GPR26: variants seen among roughly 807,000 people sequenced by gnomAD.
GPR26 encodes G protein-coupled receptor 26.
A neutral mutation model predicts 23.1 loss-of-function variants in GPR26; 15 were observed. The ratio of observed to expected loss-of-function variants is 0.65; its 90% CI spans 0.43 to 1.00. The LOEUF is 1.00. Among genes scored for constraint, GPR26 ranks in the 50% least tolerant of loss-of-function variants. The pLI, the probability that GPR26 is intolerant of heterozygous loss-of-function variation, is 0.00. For missense variants in GPR26, 359 were observed against 470.5 expected (o/e 0.76, Z 2.19); for synonymous variants, 228 against 222.1 (o/e 1.03, Z -0.24).
At position 123,693,503 on chromosome 10, in the gene GPR26, G is replaced by A. The variant is rs1031453738; in HGVS notation, c.*5343G>A. Reference sequence around the variant, plus strand: ...AGGCTGGGTGGAGCTTGGCCTCTACGGTCTGTTCTTGCAGATTCAGGAGAG... The same window carrying A: ...AGGCTGGGTGGAGCTTGGCCTCTACAGTCTGTTCTTGCAGATTCAGGAGAG... On this transcript the variant is annotated 3_prime_UTR_variant, in exon 3 of 3. Coordinates refer to ENST00000284674, the MANE Select transcript of GPR26 (RefSeq NM_153442.4). 8 of 152,418 alleles carry A rather than the reference G, an allele frequency of 5.2e-5. No individual in the cohort carries two copies. Among genetic ancestry groups the A allele is most frequent in the Non-Finnish European group, 7.3e-5 (5 of 68,278 alleles). 9.4% of individuals were successfully genotyped at this position (152,418 alleles called of 1,614,324 possible).
intron 2 of GPR26, among the ~76,000 whole-genome samples, chr10:123,675,137 C>T (rs1443573470): frequency 6.6e-6 from 1 of 152,132 alleles, no homozygotes; most frequent in East Asian, 1.9e-4. Flanking sequence ...ACTCAGAACC[C>T]AAAGGGTGTG....
intron 1 of GPR26, among the ~76,000 whole-genome samples, chr10:123,672,464 A>T (rs1192759801): frequency 1.3e-5 from 2 of 152,226 alleles, no homozygotes; most frequent in East Asian, 3.9e-4. Context: ...TTAGGAAATC[A>T]TGTCCACCAG....
intron 1 of GPR26, among the ~76,000 whole-genome samples, chr10:123,670,968 G>A (rs1845243319): frequency 2.0e-5 from 3 of 152,158 alleles, no homozygotes; most frequent in African/African-American, 4.8e-5. Context: ...TAATGTGCAG[G>A]GCCCAGGGCA....
intron 2 of GPR26, among the ~76,000 whole-genome samples, chr10:123,679,445 A>G (rs1845344628): frequency 6.6e-6 from 1 of 152,174 alleles, no homozygotes; most frequent in Non-Finnish European, 1.5e-5. Flanking sequence ...TTTACATCCA[A>G]ATCCATATCT....
At chr10:123,677,182 T>TA (rs148723228) in intron 2 of GPR26, among the ~76,000 whole-genome samples, 51,287 of 151,096 alleles carry the variant, frequency 0.34, 8,774 homozygotes, top group Non-Finnish European at 0.36. Flanking sequence ...CATTTTCCTT[T>TA]TAAAAAAAAA....
chr10:123,669,674 T>G (rs1345354249), intron 1 of GPR26, among the ~76,000 whole-genome samples: 1 of 152,168 alleles, frequency 6.6e-6, no homozygotes, highest in Non-Finnish European at 1.5e-5. Flanking sequence ...GTGGCATTTG[T>G]CTTTGTCAGG....
At position 123,694,924 on chromosome 10, in the gene GPR26, G is replaced by A. The variant is rs185943462; in HGVS notation, c.*6764G>A. Among the ~76,000 whole-genome samples, 183 of 152,254 alleles carry A rather than the reference G, an allele frequency of 1.2e-3. No individual in the cohort carries two copies. Among genetic ancestry groups the A allele is most frequent in the African/African-American group, 3.7e-3 (154 of 41,550 alleles). On this transcript the variant is annotated 3_prime_UTR_variant, in exon 3 of 3. Coordinates refer to ENST00000284674, the MANE Select transcript of GPR26 (RefSeq NM_153442.4). ...CCCATCTTCTGACAATATCCTGAAG[G>A]GTTCGAATGTTTGTCTTCGGTAGGG...
At chr10:123,680,646 C>T (rs933893810) in intron 2 of GPR26, among the ~76,000 whole-genome samples, 4 of 152,084 alleles carry the variant, frequency 2.6e-5, no homozygotes, top group African/African-American at 7.2e-5. Context: ...AGGCTGATCC[C>T]GGGGAATTCA....
At position 123,685,799 on chromosome 10, in the gene GPR26, G is replaced by T. The variant is rs143699573; in HGVS notation, c.783-2130G>T. Among the ~76,000 whole-genome samples, 6 of 152,316 alleles carry T rather than the reference G, an allele frequency of 3.9e-5. No homozygotes were observed. In the East Asian group the frequency reaches 1.2e-3, roughly 29 times the overall value. ...ACTTGGACTGCAGTTAGATGGAGCT[G>T]GGCTTCCCATGCAGGAGACCCTGAC... On this transcript the variant is annotated intron_variant, in intron 2 of 2. Coordinates refer to ENST00000284674, the MANE Select transcript of GPR26 (RefSeq NM_153442.4).
At position 123,691,505 on chromosome 10, in the gene GPR26, A is replaced by G. The variant is rs955736916; in HGVS notation, c.*3345A>G. 2 of 152,170 alleles carry G rather than the reference A, an allele frequency of 1.3e-5. No individual in the cohort carries two copies. Among genetic ancestry groups the G allele is most frequent in the African/African-American group, 4.8e-5 (2 of 41,432 alleles). The allele number at this position is 152,170 out of a possible 1,614,324, so 9.4% of individuals were successfully genotyped here. A position where few individuals can be genotyped will look rare whatever the true frequency, so the allele number is the denominator to read the frequency against. On this transcript the variant is annotated 3_prime_UTR_variant, in exon 3 of 3. Transcript: ENST00000284674. ...CTTTTACATGCTTGGGTGCAGGTAGATGAGGCCTTCCCATGGCTACAGTGT... is the reference window on the plus strand; with the variant it reads ...CTTTTACATGCTTGGGTGCAGGTAGGTGAGGCCTTCCCATGGCTACAGTGT...
chr10:123,681,279 C>T (rs1178625726), intron 2 of GPR26, among the ~76,000 whole-genome samples: 1 of 152,192 alleles, frequency 6.6e-6, no homozygotes, highest in East Asian at 1.9e-4. Context: ...AATGACCGCT[C>T]TGCTTCTTCT....
At chr10:123,681,543 G>T (rs1173446619) in intron 2 of GPR26, among the ~76,000 whole-genome samples, 1 of 152,228 alleles carries the variant, frequency 6.6e-6, no homozygotes, top group Admixed American at 6.5e-5. Flanking sequence ...CGTGTCAAGA[G>T]TGTAGGTTGA....
rs988868721 is a variant in GPR26 at position 123,677,205 on chromosome 10, TTCTC to T, written c.782+2278_782+2281del. 7.2e-5 allele frequency among the ~76,000 whole-genome samples: 11 copies of T among 152,228 alleles called. No homozygotes were observed. The South Asian group carries it at 8.3e-4, about 11-fold the overall frequency. ...TTTTAAAAAAAAAATTACAGCTAGG[TTCTC>T]TCTAATAGTGCCCAGGAAGTAACGT... On this transcript the variant is annotated intron_variant, in intron 2 of 2. Coordinates refer to ENST00000284674, the MANE Select transcript of GPR26 (RefSeq NM_153442.4).
At chr10:123,668,017 C>T (rs770838543) in intron 1 of GPR26, among the ~76,000 whole-genome samples, 9 of 152,154 alleles carry the variant, frequency 5.9e-5, no homozygotes, top group South Asian at 2.1e-4. Flanking sequence ...AGGCAGGCTC[C>T]CTGCTCTGTG....
In GPR26 at chr10:123,696,964, T is replaced by C. The variant is rs1285358269; in HGVS notation, c.*8804T>C. On this transcript the variant is annotated 3_prime_UTR_variant, in exon 3 of 3. Coordinates refer to ENST00000284674, the MANE Select transcript of GPR26 (RefSeq NM_153442.4). ...TTGTGTGCCCGTGATTATATGCATATGGGTGAATGTTTGTGTGCCCGTGAT... is the reference window on the plus strand; with the variant it reads ...TTGTGTGCCCGTGATTATATGCATACGGGTGAATGTTTGTGTGCCCGTGAT... Among the ~76,000 whole-genome samples the C allele has an allele frequency of 6.6e-6, 1 of 152,088 alleles. No homozygotes were observed. The highest frequency in any genetic ancestry group is 2.4e-5 in the African/African-American group (1 of 41,414).
chr10:123,695,067 A>G lies in GPR26; in HGVS notation c.*6907A>G, dbSNP rs1845527593. On this transcript the variant is annotated 3_prime_UTR_variant, in exon 3 of 3. Coordinates refer to ENST00000284674, the MANE Select transcript of GPR26 (RefSeq NM_153442.4). ...AGTTGGCAAAAGCTGTCCTCATGCTACTTGGCAATTCAATCACCCTCCCTT... is the reference window on the plus strand; with the variant it reads ...AGTTGGCAAAAGCTGTCCTCATGCTGCTTGGCAATTCAATCACCCTCCCTT... 1.3e-5 allele frequency among the ~76,000 whole-genome samples: 2 copies of G among 152,224 alleles called. No homozygotes were observed. Among genetic ancestry groups the G allele is most frequent in the Admixed American group, 6.5e-5 (1 of 15,290 alleles).
chr10:123,681,065 C>G (rs1249372812), intron 2 of GPR26, among the ~76,000 whole-genome samples: 1 of 152,112 alleles, frequency 6.6e-6, no homozygotes, highest in African/African-American at 2.4e-5. Flanking sequence ...TCTTGAATTC[C>G]TGACCTCAGC....
At chr10:123,675,832 A>AGGTGTGTGTGTGTGTGTGTG (rs1564731113) in intron 2 of GPR26, among the ~76,000 whole-genome samples, 2 of 45,348 alleles carry the variant, frequency 4.4e-5, no homozygotes, top group South Asian at 7.3e-4. Context: ...GTGTGTGTGT[A>AGGTGTGTGTGTGTGTGTGTG]CGTGTGTGTG....
chr10:123,696,344 G>A lies in GPR26; in HGVS notation c.*8184G>A, dbSNP rs1845543506. 6.6e-6 allele frequency among the ~76,000 whole-genome samples: 1 copy of A among 152,152 alleles called. No individual in the cohort carries two copies. The highest frequency in any genetic ancestry group is 1.5e-5 in the Non-Finnish European group (1 of 68,032). Reference sequence around the variant, plus strand: ...AGTCCTCCTGGAGGCTCCTAGTAATGAGGGCACTGAACACCAATTCTTTAC... The same window carrying A: ...AGTCCTCCTGGAGGCTCCTAGTAATAAGGGCACTGAACACCAATTCTTTAC... On this transcript the variant is annotated 3_prime_UTR_variant, in exon 3 of 3. Transcript: ENST00000284674.
Sources: allele counts gnomAD v4.1 joint callset (sites outside exome capture counted in the v4.1 genomes callset), GRCh38; gene constraint gnomAD v4.1.1; transcripts MANE v1.5; gene names NCBI Gene and HGNC (gene_info 2026-07-23, HGNC 2026-07-21).